Variants in CTNNA2 observed in about 807,000 individuals in gnomAD.
CTNNA2 encodes the protein catenin alpha-2.
A neutral mutation model predicts 101.0 loss-of-function variants in CTNNA2; 42 were observed. The observed-to-expected ratio is 0.42, with a 90% CI of 0.32 to 0.54. The LOEUF (loss-of-function observed/expected upper bound fraction) is 0.54. CTNNA2 is among the 20% of genes least tolerant of loss of function. The pLI, the probability that CTNNA2 is intolerant of heterozygous loss-of-function variation, is 0.14. For missense variants in CTNNA2, 871 were observed against 1,223.1 expected (o/e 0.71, Z 4.29); for synonymous variants, 450 against 456.4 (o/e 0.99, Z 0.18).
rs112035281 is a variant in CTNNA2, at chr2:79,498,342, G to C, written c.-134-6712G>C. ...GGTGCAAATCTGAGGGACTGGAGAT[G>C]TCCTGTGTTTGAGCAGTTAAAGACT... On this transcript the variant is annotated intron_variant, in intron 4 of 21. Coordinates refer to the CTNNA2 transcript ENST00000466387. Among the ~76,000 whole-genome samples, 8 of 152,312 alleles carry C rather than the reference G, an allele frequency of 5.3e-5. 1 individual carries two copies. Among genetic ancestry groups the C allele is most frequent in the African/African-American group, 1.9e-4 (8 of 41,570 alleles).
chr2:79,302,322 C>T (rs1676131700), intron 2 of CTNNA2, among the ~76,000 whole-genome samples: 1 of 152,024 alleles, frequency 6.6e-6, no homozygotes. Context: ...ATCCCTGCTC[C>T]TTTTGCTTGG....
At chr2:79,238,113 A>G (rs1186177561) in intron 2 of CTNNA2, among the ~76,000 whole-genome samples, 2 of 152,164 alleles carry the variant, frequency 1.3e-5, no homozygotes, top group Admixed American at 1.3e-4. Flanking sequence ...CTTTTGATTT[A>G]AAGTGAGAAA....
At chr2:79,753,463 C>A (rs1171468093) in intron 3 of CTNNA2, among the ~76,000 whole-genome samples, 1 of 152,180 alleles carries the variant, frequency 6.6e-6, no homozygotes, top group Non-Finnish European at 1.5e-5. Context: ...AAAACACCTC[C>A]TCTGTCACCC....
intron 1 of CTNNA2, among the ~76,000 whole-genome samples, chr2:79,188,044 A>G (rs1673804209): frequency 6.6e-6 from 1 of 152,226 alleles, no homozygotes; most frequent in South Asian, 2.1e-4. Flanking sequence ...TCTGAGTCCA[A>G]AAGAGATTTT....
At chr2:80,215,086 G>C (rs934138328) in intron 7 of CTNNA2, among the ~76,000 whole-genome samples, 4 of 151,864 alleles carry the variant, frequency 2.6e-5, no homozygotes, top group African/African-American at 9.7e-5. Flanking sequence ...CATAGTTCTC[G>C]TGCCATGGTT....
chr2:80,438,152 A>G (rs1179050080), intron 9 of CTNNA2, among the ~76,000 whole-genome samples: 1 of 152,200 alleles, frequency 6.6e-6, no homozygotes, highest in Non-Finnish European at 1.5e-5. Context: ...CTTGGCTTAC[A>G]GATGCCATCT....
intron 9 of CTNNA2, among the ~76,000 whole-genome samples, chr2:80,431,928 G>A (rs1681563731): frequency 6.6e-6 from 1 of 151,632 alleles, no homozygotes; most frequent in South Asian, 2.1e-4. Context: ...TTTTCTGTAG[G>A]CACATTAGTG....
At chr2:80,556,489 C>T (rs1410193336) in intron 12 of CTNNA2, among the ~76,000 whole-genome samples, 1 of 152,102 alleles carries the variant, frequency 6.6e-6, no homozygotes, top group Non-Finnish European at 1.5e-5. Context: ...CTTTACATGC[C>T]CTTCTTCAGG....
intron 7 of CTNNA2, among the ~76,000 whole-genome samples, chr2:80,009,606 G>C (rs1169363532): frequency 6.6e-6 from 1 of 152,016 alleles, no homozygotes; most frequent in African/African-American, 2.4e-5. Flanking sequence ...ATATTTAAAA[G>C]TTTTTAAATG....
At chr2:79,918,157 A>C (rs1323612653) in intron 7 of CTNNA2, among the ~76,000 whole-genome samples, 1 of 152,078 alleles carries the variant, frequency 6.6e-6, no homozygotes, top group Non-Finnish European at 1.5e-5. Context: ...CTCTAACCCA[A>C]CATTTTATCT....
intron 2 of CTNNA2, among the ~76,000 whole-genome samples, chr2:79,250,854 C>T (rs1002085217): frequency 6.6e-5 from 10 of 152,166 alleles, no homozygotes; most frequent in South Asian, 2.1e-4. Context: ...AACTCACCCT[C>T]GCTTGGTCCC....
chr2:79,810,666 A>G (rs1435968574), intron 3 of CTNNA2, among the ~76,000 whole-genome samples: 9 of 151,290 alleles, frequency 5.9e-5, no homozygotes, highest in Non-Finnish European at 1.2e-4. Context: ...TCCTAATGCT[A>G]TACCTCCCCC....
intron 3 of CTNNA2, among the ~76,000 whole-genome samples, chr2:79,332,166 C>A (rs953230573): frequency 1.3e-5 from 2 of 151,592 alleles, no homozygotes; most frequent in African/African-American, 4.9e-5. Flanking sequence ...TAAAATAACC[C>A]AAAGGCTTGT....
chr2:79,982,230 A>ATATAT (rs1553420939), intron 7 of CTNNA2, among the ~76,000 whole-genome samples: 2 of 96,434 alleles, frequency 2.1e-5, no homozygotes, highest in African/African-American at 9.3e-5. Context: ...ATATATATAT[A>ATATAT]TATATATATA....
intron 1 of CTNNA2, among the ~76,000 whole-genome samples, chr2:79,532,858 T>A (rs1395350192): frequency 6.6e-6 from 1 of 152,122 alleles, no homozygotes; most frequent in Non-Finnish European, 1.5e-5. Flanking sequence ...GGCTACCTAA[T>A]TAACTGTAAG....
intron 7 of CTNNA2, among the ~76,000 whole-genome samples, chr2:80,254,511 C>A (rs372619317): frequency 5.9e-5 from 9 of 152,178 alleles, no homozygotes; most frequent in East Asian, 1.9e-4. Flanking sequence ...CTTTGAACCA[C>A]ATCAGAACAC....
chr2:79,704,187 G>A (rs1344941683), intron 2 of CTNNA2, among the ~76,000 whole-genome samples: 1 of 152,048 alleles, frequency 6.6e-6, no homozygotes, highest in African/African-American at 2.4e-5. Context: ...AATAAATTTG[G>A]GGATGTGAAA....
intron 1 of CTNNA2, among the ~76,000 whole-genome samples, chr2:79,191,774 GA>G (rs1414663699): frequency 2.6e-5 from 4 of 152,150 alleles, no homozygotes; most frequent in African/African-American, 9.7e-5. Flanking sequence ...GAATGTTCAT[GA>G]GGGGAAGTCA....
intron 7 of CTNNA2, among the ~76,000 whole-genome samples, chr2:80,224,975 C>T (rs889532718): frequency 2.0e-5 from 3 of 152,162 alleles, no homozygotes; most frequent in Non-Finnish European, 2.9e-5. Context: ...CTTAAGAAAA[C>T]TCAGCCTGCT....
Sources: allele counts gnomAD v4.1 joint callset (sites outside exome capture counted in the v4.1 genomes callset), GRCh38; gene constraint gnomAD v4.1.1; transcripts MANE v1.5; gene names NCBI Gene and HGNC (gene_info 2026-07-23, HGNC 2026-07-21).